The following TUNAR variants were observed in gnomAD, a reference collection of about 807,000 sequenced individuals.
TUNAR encodes the protein protein TUNAR.
At chr14:95,909,571 C>T (rs1337095437) in intron 2 of TUNAR, among the ~76,000 whole-genome samples, 6 of 152,128 alleles carry the variant, frequency 3.9e-5, no homozygotes, top group Non-Finnish European at 7.4e-5. Flanking sequence ...GCGTGAGCCA[C>T]CGTGCCCGGC....
chr14:95,891,688 T>A (rs1170398540), intron 2 of TUNAR, among the ~76,000 whole-genome samples: 2 of 152,250 alleles, frequency 1.3e-5, no homozygotes, highest in Non-Finnish European at 2.9e-5. Context: ...CTGTTACGTG[T>A]CCTAGCTGGG....
chr14:95,917,850 T>C (rs1048622746), intron 2 of TUNAR, among the ~76,000 whole-genome samples: 2 of 152,240 alleles, frequency 1.3e-5, no homozygotes, highest in African/African-American at 2.4e-5. Context: ...TACAGTTTCA[T>C]GGCTTTAGTA....
intron 2 of TUNAR, among the ~76,000 whole-genome samples, chr14:95,900,186 TGC>T (rs970515896): frequency 1.3e-5 from 2 of 152,154 alleles, no homozygotes; most frequent in Non-Finnish European, 2.9e-5. Context: ...GTGAGAAGGG[TGC>T]AGAGGCAATT....
intron 2 of TUNAR, among the ~76,000 whole-genome samples, chr14:95,901,777 T>G (rs1595120865): frequency 6.6e-6 from 1 of 152,030 alleles, no homozygotes; most frequent in Non-Finnish European, 1.5e-5. Context: ...TACTTTGGAG[T>G]AGGGAATCCT....
Position 95,895,745 on chromosome 14 carries a change from G to A in TUNAR, c.12+18568G>A, listed in dbSNP as rs970932439. ...GGTGTTTCCGGCCCATTTTTTTCTT[G>A]CTTTGAACCACAGCACGTGCTGTTG... On this transcript the variant is annotated intron_variant, in intron 2 of 2. Coordinates refer to ENST00000678517, the Ensembl canonical transcript of TUNAR. The surrounding 1 kb of genome is among the most constrained non-coding windows in gnomAD (Gnocchi z 4.5). 1.3e-5 allele frequency: 2 copies of A among 152,134 alleles called. No individual in the cohort carries two copies. Among genetic ancestry groups the A allele is most frequent in the Non-Finnish European group, 2.9e-5 (2 of 68,114 alleles). 9.4% of individuals were successfully genotyped at this position (152,134 alleles called of 1,614,324 possible). A position where few individuals can be genotyped will look rare whatever the true frequency, so the allele number is the denominator to read the frequency against.
intron 2 of TUNAR, among the ~76,000 whole-genome samples, chr14:95,919,696 G>C (rs960737823): frequency 8.5e-5 from 13 of 152,106 alleles, no homozygotes; most frequent in African/African-American, 3.1e-4. Context: ...CTGGGCAAAA[G>C]AACAAGAGCC....
At chr14:95,883,953 CA>C (rs1889024791) in intron 2 of TUNAR, among the ~76,000 whole-genome samples, 1 of 152,138 alleles carries the variant, frequency 6.6e-6, no homozygotes, top group Non-Finnish European at 1.5e-5. Context: ...ACCTTGAGCA[CA>C]GTGGTGTTCA....
chr14:95,886,962 G>A (rs1595115852), intron 2 of TUNAR, among the ~76,000 whole-genome samples: 1 of 152,134 alleles, frequency 6.6e-6, no homozygotes, highest in South Asian at 2.1e-4. Flanking sequence ...CCTTTTGTTT[G>A]CTTCTTGGTT....
At chr14:95,893,883 C>G (rs1372071958) in intron 2 of TUNAR, among the ~76,000 whole-genome samples, 2 of 152,280 alleles carry the variant, frequency 1.3e-5, no homozygotes, top group African/African-American at 2.4e-5. Context: ...TATGTGGGCA[C>G]ATGCCCGGTC....
intron 2 of TUNAR, among the ~76,000 whole-genome samples, chr14:95,886,324 C>G (rs1423077803): frequency 2.0e-5 from 3 of 152,224 alleles, no homozygotes; most frequent in African/African-American, 4.8e-5. Context: ...ATGTGCTCAG[C>G]AGGGCCAGTG....
intron 2 of TUNAR, among the ~76,000 whole-genome samples, chr14:95,881,655 G>C (rs746640421): frequency 6.6e-6 from 1 of 152,138 alleles, no homozygotes; most frequent in Admixed American, 6.5e-5. Context: ...TCACGTTATC[G>C]AGTAGAGATG....
chr14:95,918,419 GA>G (rs1889639658), intron 2 of TUNAR, among the ~76,000 whole-genome samples: 2 of 152,124 alleles, frequency 1.3e-5, no homozygotes, highest in Admixed American at 6.6e-5. Context: ...TCATCCTCCA[GA>G]CCCTGGCCAG....
intron 2 of TUNAR, among the ~76,000 whole-genome samples, chr14:95,892,453 G>T (rs1889195799): frequency 6.6e-6 from 1 of 152,276 alleles, no homozygotes; most frequent in African/African-American, 2.4e-5. Context: ...CCTCCGGCTG[G>T]ATGTGTCGCC....
At chr14:95,884,828 T>C (rs1356005808) in intron 2 of TUNAR, among the ~76,000 whole-genome samples, 2 of 152,114 alleles carry the variant, frequency 1.3e-5, no homozygotes, top group Non-Finnish European at 2.9e-5. Context: ...CGACTGCCGC[T>C]CTTGCTTACA....
exon 3 of TUNAR, chr14:95,923,200 A>C: frequency 3.1e-5 from 11 of 356,802 alleles, no homozygotes; most frequent in Non-Finnish European, 4.5e-5. Context: ...CTAGGAACTC[A>C]ACGTCTTTGG....
At chr14:95,889,289 T>C (rs1470261301) in intron 2 of TUNAR, among the ~76,000 whole-genome samples, 1 of 152,230 alleles carries the variant, frequency 6.6e-6, no homozygotes, top group Non-Finnish European at 1.5e-5. Flanking sequence ...TGAGCTGATA[T>C]AAAGATGAAC....
At chr14:95,910,454 G>T (rs1259962238) in intron 2 of TUNAR, among the ~76,000 whole-genome samples, 1 of 152,204 alleles carries the variant, frequency 6.6e-6, no homozygotes, top group Admixed American at 6.5e-5. Context: ...TAGCTATGAC[G>T]TTTATCATCA....
chr14:95,923,650 A>G (rs1023334277), exon 3 of TUNAR: 1 of 151,992 alleles, frequency 6.6e-6, no homozygotes. Context: ...TCCTCCCCCA[A>G]CTACAGATGT....
chr14:95,901,024 CT>C (rs1889344558), intron 2 of TUNAR, among the ~76,000 whole-genome samples: 1 of 152,144 alleles, frequency 6.6e-6, no homozygotes, highest in South Asian at 2.1e-4. Context: ...GTATTTTTCC[CT>C]GCTTTTTAGT....
Sources: gnomAD v4.1 joint callset for allele counts (sites outside exome capture counted in the v4.1 genomes callset) on GRCh38, gnomAD v4.1.1 for gene constraint, Gnocchi (gnomAD v3.1) non-coding constraint, MANE v1.5 for transcripts, NCBI Gene and HGNC (gene_info 2026-07-23, HGNC 2026-07-21) for gene names.